COBLL1: variants seen among roughly 807,000 people sequenced by gnomAD.
COBLL1 encodes the protein cordon-bleu WH2 repeat protein like 1, also known as cordon-bleu protein-like 1.
In COBLL1, 50 loss-of-function variants were observed where a neutral mutation model predicts 94.8. The observed-to-expected ratio is 0.53, with a 90% CI of 0.42 to 0.67. The LOEUF is 0.67. COBLL1 is among the 30% of genes least tolerant of loss of function. The probability of loss-of-function intolerance (pLI) is 0.00; values close to 1 mark genes in which losing one functional copy is unlikely to be tolerated. For missense variants in COBLL1, 1,362 were observed against 1,348.7 expected, an observed-to-expected ratio of 1.01 and a Z score of -0.15; for synonymous variants, 448 against 473.8, an observed-to-expected ratio of 0.95 and a Z score of 0.71.
At chr2:164,660,719 T>G (rs554914333) in intron 2 of COBLL1, among the ~76,000 whole-genome samples, 1 of 152,320 alleles carries the variant, frequency 6.6e-6, no homozygotes, top group East Asian at 1.9e-4. Context: ...GCAGCAGACA[T>G]CTAATTTTAA....
At chr2:164,660,626 T>C (rs1691055374) in intron 2 of COBLL1, among the ~76,000 whole-genome samples, 1 of 152,190 alleles carries the variant, frequency 6.6e-6, no homozygotes, top group African/African-American at 2.4e-5. Flanking sequence ...TATTAATGGT[T>C]TCTGTCAATT....
chr2:164,770,680 CAAAG>C (rs1688162528), intron 2 of COBLL1, among the ~76,000 whole-genome samples: 1 of 151,986 alleles, frequency 6.6e-6, no homozygotes, highest in Admixed American at 6.6e-5. Flanking sequence ...GAGGAAATGA[CAAAG>C]AAATATACAG....
intron 3 of COBLL1, among the ~76,000 whole-genome samples, chr2:164,736,168 T>C (rs1035734077): frequency 1.3e-5 from 2 of 152,186 alleles, no homozygotes; most frequent in African/African-American, 2.4e-5. Flanking sequence ...ATCTGTACCT[T>C]GTAAGTGCAC....
intron 10 of COBLL1, among the ~76,000 whole-genome samples, chr2:164,700,188 GT>G (rs1684175000): frequency 6.6e-6 from 1 of 151,952 alleles, no homozygotes; most frequent in African/African-American, 2.4e-5. Flanking sequence ...GGAATACTTG[GT>G]AAAAATTGAA....
Position 164,685,941 on chromosome 2 carries a change from A to G in COBLL1, c.*5T>C. The G allele has an allele frequency of 6.3e-7, 1 of 1,581,424 alleles. No homozygotes were observed. Among genetic ancestry groups the G allele is most frequent in the Non-Finnish European group, 8.7e-7 (1 of 1,151,914 alleles). ...GTGAAGTGCAGTGGTGTGGCAGGGTAACATTTAATGGCCGTCCTGGGCATC... is the reference window on the plus strand; with the variant it reads ...GTGAAGTGCAGTGGTGTGGCAGGGTGACATTTAATGGCCGTCCTGGGCATC... On this transcript the variant is annotated 3_prime_UTR_variant, in exon 14 of 14. Transcript: ENST00000652658.
chr2:164,716,684 C>T (rs13024606), intron 7 of COBLL1, among the ~76,000 whole-genome samples: 4,561 of 152,182 alleles, frequency 0.03, 89 homozygotes, highest in Non-Finnish European at 0.046. Context: ...TTTGCTATCT[C>T]GGCTAACTTT....
chr2:164,801,469 A>G (rs889520429), intron 2 of COBLL1, among the ~76,000 whole-genome samples: 3 of 128,152 alleles, frequency 2.3e-5, no homozygotes, highest in East Asian at 2.2e-4. Flanking sequence ...AAAAAAAAAA[A>G]GCTTAGCTAA....
At position 164,841,671 on chromosome 2, in the gene COBLL1, G is replaced by A. The variant is rs914886783; in HGVS notation, c.-51+39C>T. 13 of 384,700 alleles carry A rather than the reference G, an allele frequency of 3.4e-5. No homozygotes were observed. Among genetic ancestry groups the A allele is most frequent in the Non-Finnish European group, 6.0e-5 (13 of 217,660 alleles). The allele number at this position is 384,700 out of a possible 1,614,324, so 23.8% of individuals were successfully genotyped here. A position where few individuals can be genotyped will look rare whatever the true frequency, so the allele number is the denominator to read the frequency against. Reference sequence around the variant, plus strand: ...GGAAAACTTTTCCCGAAGAGAAGTTGGGAGGGCTGATCTCTCTTTTCCCAC... The same window carrying A: ...GGAAAACTTTTCCCGAAGAGAAGTTAGGAGGGCTGATCTCTCTTTTCCCAC... On this transcript the variant is annotated intron_variant, in intron 1 of 13. Transcript: ENST00000652658. The surrounding 1 kb of genome is among the most constrained non-coding windows in gnomAD (Gnocchi z 5.5).
chr2:164,706,890 G>T (rs1242012367), intron 7 of COBLL1, among the ~76,000 whole-genome samples: 2 of 152,102 alleles, frequency 1.3e-5, no homozygotes, highest in East Asian at 3.9e-4. Flanking sequence ...GCCAGATTAG[G>T]TAACTTTGGT....
chr2:164,825,997 G>A (rs949205205), intron 2 of COBLL1, among the ~76,000 whole-genome samples: 1 of 152,156 alleles, frequency 6.6e-6, no homozygotes, highest in African/African-American at 2.4e-5. Flanking sequence ...CCTATGATTA[G>A]AATGGGTGTC....
At chr2:164,776,283 T>C (rs1688457439) in intron 2 of COBLL1, among the ~76,000 whole-genome samples, 1 of 152,088 alleles carries the variant, frequency 6.6e-6, no homozygotes, top group African/African-American at 2.4e-5. Flanking sequence ...AAACTCCTTA[T>C]CCTGGTAAAG....
At chr2:164,663,141 C>A (rs1478906358) in intron 2 of COBLL1, among the ~76,000 whole-genome samples, 1 of 151,992 alleles carries the variant, frequency 6.6e-6, no homozygotes, top group Non-Finnish European at 1.5e-5. Context: ...TGTTTTATTG[C>A]CTTCGTTTAA....
At chr2:164,703,320 C>A in intron 9 of COBLL1, 1 of 715,910 alleles carries the variant, frequency 1.4e-6, no homozygotes, top group South Asian at 1.8e-5. Flanking sequence ...TTTGTTAGCT[C>A]ACAATTATCC....
chr2:164,794,250 T>C (rs1683328313), intron 2 of COBLL1, among the ~76,000 whole-genome samples: 1 of 152,210 alleles, frequency 6.6e-6, no homozygotes, highest in African/African-American at 2.4e-5. Context: ...GTACCTATTC[T>C]TACAGTGTTG....
Position 164,663,443 on chromosome 2 carries a change from A to G in COBLL1, n.181+2404T>C, listed in dbSNP as rs1043614038. Among the ~76,000 whole-genome samples, 3 of 152,302 alleles carry G rather than the reference A, an allele frequency of 2.0e-5. No individual in the cohort carries two copies. The East Asian group carries it at 5.8e-4, about 29-fold the overall frequency. On this transcript the variant is annotated intron_variant and non_coding_transcript_variant, in intron 2 of 2. Coordinates refer to the COBLL1 transcript ENST00000495084. ...TCAAGTATTTAAAAATAGAACTACAATTCACCCCAGCACTCCCATTACTGC... is the reference window on the plus strand; with the variant it reads ...TCAAGTATTTAAAAATAGAACTACAGTTCACCCCAGCACTCCCATTACTGC...
At chr2:164,671,324 G>A (rs1158542642) in intron 1 of COBLL1, among the ~76,000 whole-genome samples, 1 of 151,982 alleles carries the variant, frequency 6.6e-6, no homozygotes, top group Non-Finnish European at 1.5e-5. Flanking sequence ...TTTTTTTAAT[G>A]TAAGAACCTA....
chr2:164,676,815 C>T (rs1249358084), downstream of COBLL1, among the ~76,000 whole-genome samples: 1 of 152,104 alleles, frequency 6.6e-6, no homozygotes, highest in African/African-American at 2.4e-5. Context: ...GATTATGTCA[C>T]CTTTCTGCTC....
intron 13 of COBLL1, among the ~76,000 whole-genome samples, chr2:164,688,553 T>C (rs1030248349): frequency 3.9e-5 from 6 of 152,174 alleles, no homozygotes; most frequent in African/African-American, 1.4e-4. Flanking sequence ...TACTAGTTGA[T>C]TGTCTACTCT....
intron 2 of COBLL1, among the ~76,000 whole-genome samples, chr2:164,788,482 C>T (rs1215493600): frequency 1.3e-5 from 2 of 152,076 alleles, no homozygotes. Context: ...ACTGGGTTAT[C>T]AAGGCCCACT....
Sources: gnomAD v4.1 joint callset for allele counts (sites outside exome capture counted in the v4.1 genomes callset) on GRCh38, gnomAD v4.1.1 for gene constraint, Gnocchi (gnomAD v3.1) non-coding constraint, MANE v1.5 for transcripts, NCBI Gene and HGNC (gene_info 2026-07-23, HGNC 2026-07-21) for gene names.